Variants in CRELD1 observed in about 807,000 individuals in gnomAD.
CRELD1 encodes the protein CRELD disulfide isomerase 1.
Under a neutral mutation model 58.2 loss-of-function variants are expected in CRELD1, and 42 were observed. That is an observed-to-expected ratio of 0.72 (90% confidence interval 0.56 to 0.93). The LOEUF is 0.93. Among genes scored for constraint, CRELD1 ranks in the 40% least tolerant of loss-of-function variants. The pLI is 0.00. For synonymous variants in CRELD1, 222 were observed against 202.0 expected (o/e 1.10, Z -0.84); for missense variants, 500 against 540.6 (o/e 0.92, Z 0.74).
intron 10 of CRELD1, 46 bp downstream of exon 10, chr3:9,943,561 G>T (rs554829587): frequency 1.2e-6 from 2 of 1,613,042 alleles, no homozygotes; most frequent in Non-Finnish European, 1.7e-6. Context: ...CAAAGAGAAG[G>T]CAGGCAAGCC....
rs376469807 is a variant in CRELD1, at chr3:9,934,478, C to T, written c.40C>T (p.Leu14Phe). 13 of 1,613,946 alleles carry T rather than the reference C, an allele frequency of 8.1e-6. No homozygotes were observed. The highest frequency in any genetic ancestry group is 6.6e-5 in the South Asian group (6 of 91,082). ...CCCGAAGGGCCTAGTCCCAGCTATG[C>T]TCTGGGGCCTCAGCCTCTTCCTCAA... ...WPPKGLVPAM[L>F]WGLSLFLNLP... The change falls in exon 2 of 11, where the codon CTC becomes TTC. Residue 14 changes from leucine to phenylalanine, a missense_variant. Transcript: ENST00000452070.
At chr3:9,939,910 C>A (rs1374046816) in intron 5 of CRELD1, among the ~76,000 whole-genome samples, 1 of 151,078 alleles carries the variant, frequency 6.6e-6, no homozygotes, top group Non-Finnish European at 1.5e-5. Flanking sequence ...TAGGGGCAGC[C>A]GGGCAGAGGC....
chr3:9,943,776 G>A (rs2085437960), intron 10 of CRELD1: 1 of 1,605,064 alleles, frequency 6.2e-7, no homozygotes, highest in Non-Finnish European at 8.5e-7. Flanking sequence ...TATCCAATGG[G>A]ACCAGTGTTT....
At chr3:9,934,965 TCTCTG>T (rs1447194641) in intron 3 of CRELD1, 48 bp downstream of exon 3, 31 of 1,488,130 alleles carry the variant, frequency 2.1e-5, no homozygotes, top group Non-Finnish European at 2.8e-5. Context: ...CCCCGCCAAA[TCTCTG>T]CTCTGCTGGT....
At position 9,944,629 on chromosome 3, in the gene CRELD1, C is replaced by A; in HGVS notation, c.*50C>A. 1 of 1,498,998 alleles carries A rather than the reference C, an allele frequency of 6.7e-7. No individual in the cohort carries two copies. The allele number at this position is 1,498,998 out of a possible 1,614,324, so 92.9% of individuals were successfully genotyped here. On this transcript the variant is annotated 3_prime_UTR_variant, in exon 11 of 11. Coordinates refer to ENST00000452070, the MANE Select transcript of CRELD1 (RefSeq NM_001077415.3). Reference sequence around the variant, plus strand: ...CCTCCCACCCACGCTGCCCCCAGAGCTTGGGCTGCCCTCCTGCTGGACACT... The same window carrying A: ...CCTCCCACCCACGCTGCCCCCAGAGATTGGGCTGCCCTCCTGCTGGACACT...
intron 3 of CRELD1, among the ~76,000 whole-genome samples, chr3:9,936,575 A>G (rs1051946952): frequency 2.0e-5 from 3 of 151,626 alleles, no homozygotes; most frequent in Non-Finnish European, 4.4e-5. Context: ...ATATGTATAT[A>G]TTTGTGGTAA....
chr3:9,943,982 G>A (rs758497611), intron 10 of CRELD1: 4 of 1,070,628 alleles, frequency 3.7e-6, no homozygotes, highest in Non-Finnish European at 2.9e-6. Context: ...CTCTACATAT[G>A]TAAAAATGAA....
In CRELD1 at chr3:9,940,997, A is replaced by G. The variant is rs1193721939; in HGVS notation, c.608A>G (p.Glu203Gly). The G allele has an allele frequency of 6.2e-7, 1 of 1,614,158 alleles. No homozygotes were observed. The change falls in exon 6 of 11, where the codon GAA (glutamate) becomes GGA (glycine). Residue 203 changes from glutamate to glycine, a missense_variant. Coordinates refer to ENST00000452070, the MANE Select transcript of CRELD1 (RefSeq NM_001077415.3). Reference sequence around the variant, plus strand: ...TGTGGCCTTGGCTACTTTGAGGCAGAACGCAACGCCAGCCATCTGGTATGT... The same window carrying G: ...TGTGGCCTTGGCTACTTTGAGGCAGGACGCAACGCCAGCCATCTGGTATGT... ...GQCGLGYFEA[E>G]RNASHLVCSA...
chr3:9,941,216 G>T lies in CRELD1; in HGVS notation c.733+10G>T. On this transcript the variant is annotated intron_variant, in intron 7 of 10. Transcript: ENST00000452070. ...CACCTCAAGTGTGTAGGTAAGTGGGGCCCTAGCTAGGTCTGGGAAGATGGT... is the reference window on the plus strand; with the variant it reads ...CACCTCAAGTGTGTAGGTAAGTGGGTCCCTAGCTAGGTCTGGGAAGATGGT... 1 of 1,609,908 alleles carries T rather than the reference G, an allele frequency of 6.2e-7. No individual in the cohort carries two copies. Among genetic ancestry groups the T allele is most frequent in the East Asian group, 2.2e-5 (1 of 44,798 alleles).
intron 7 of CRELD1, among the ~76,000 whole-genome samples, chr3:9,941,663 G>A (rs1169831633): frequency 6.6e-6 from 1 of 151,806 alleles, no homozygotes; most frequent in Non-Finnish European, 1.5e-5. Flanking sequence ...GGTGGCGGGT[G>A]CCTGTAGTCC....
intron 3 of CRELD1, chr3:9,935,987 C>T (rs1038794356): frequency 6.6e-6 from 1 of 152,072 alleles, no homozygotes; most frequent in Non-Finnish European, 1.5e-5. Context: ...ATATGTAATA[C>T]AGAAAGCCAT....
rs1426186808 is a variant in CRELD1, at chr3:9,940,379, T to C, written c.461-471T>C. ...CCACTGCACTCCAGCCTGGGCACCA[T>C]TGAGCACTGAGTGAACGAGACTCCG... On this transcript the variant is annotated intron_variant, in intron 5 of 10. Coordinates refer to ENST00000452070, the MANE Select transcript of CRELD1 (RefSeq NM_001077415.3). Among the ~76,000 whole-genome samples the C allele has an allele frequency of 7.2e-5, 11 of 151,898 alleles. No homozygotes were observed. In the South Asian group the frequency reaches 2.1e-3, roughly 29 times the overall value.
intron 7 of CRELD1, among the ~76,000 whole-genome samples, chr3:9,941,916 T>G (rs950816006): frequency 6.6e-6 from 1 of 150,652 alleles, no homozygotes; most frequent in Non-Finnish European, 1.5e-5. Context: ...TTATATAGAC[T>G]AAAGTAAAGG....
In CRELD1 at chr3:9,934,343, C is replaced by G. The variant is rs1046613095; in HGVS notation, c.-19-77C>G. 7 of 1,187,432 alleles carry G rather than the reference C, an allele frequency of 5.9e-6. No individual in the cohort carries two copies. The Admixed American group carries it at 6.7e-5, about 11-fold the overall frequency. The allele number at this position is 1,187,432 out of a possible 1,614,324, so 73.6% of individuals were successfully genotyped here. A position where few individuals can be genotyped will look rare whatever the true frequency, so the allele number is the denominator to read the frequency against. On this transcript the variant is annotated intron_variant, in intron 1 of 10. Coordinates refer to ENST00000452070, the MANE Select transcript of CRELD1 (RefSeq NM_001077415.3). Reference sequence around the variant, plus strand: ...TAACGCAGATCCCAGCGCCACGGCACCTTAGAACAGACCTTTTTCTTTCTC... The same window carrying G: ...TAACGCAGATCCCAGCGCCACGGCAGCTTAGAACAGACCTTTTTCTTTCTC...
In CRELD1 at chr3:9,933,881, G is replaced by A. The variant is rs1357590183; in HGVS notation, c.-59G>A. On this transcript the variant is annotated 5_prime_UTR_variant, in exon 1 of 11. Coordinates refer to ENST00000452070, the MANE Select transcript of CRELD1 (RefSeq NM_001077415.3). ...AGGAGACGGCCCACGGCGCCCGCGG[G>A]CTGGGGCGGTCGCTTCTTCCTTCTC... 3 of 473,116 alleles carry A rather than the reference G, an allele frequency of 6.3e-6. No homozygotes were observed. Among genetic ancestry groups the A allele is most frequent in the Middle Eastern group, 5.7e-4 (1 of 1,746 alleles). The allele number at this position is 473,116 out of a possible 1,614,324, so 29.3% of individuals were successfully genotyped here. A position where few individuals can be genotyped will look rare whatever the true frequency, so the allele number is the denominator to read the frequency against.
chr3:9,938,852 T>A (rs1559336249), intron 5 of CRELD1, among the ~76,000 whole-genome samples: 1 of 149,986 alleles, frequency 6.7e-6, no homozygotes, highest in Non-Finnish European at 1.5e-5. Flanking sequence ...AGAGCGAGAC[T>A]CTGTCTCAAA....
chr3:9,941,589 G>C (rs865886019), intron 7 of CRELD1, among the ~76,000 whole-genome samples: 5 of 152,038 alleles, frequency 3.3e-5, no homozygotes, highest in Admixed American at 1.3e-4. Context: ...AGGAGATCGA[G>C]ACCATCCTGG....
chr3:9,934,216 G>A, intron 1 of CRELD1: 1 of 585,512 alleles, frequency 1.7e-6, no homozygotes. Context: ...CCCCATGCTA[G>A]CGAGGATAAC....
Position 9,940,889 on chromosome 3 carries a change from G to C in CRELD1, c.500G>C (p.Gly167Ala). 6.2e-7 allele frequency: 1 copy of C among 1,614,030 alleles called. No individual in the cohort carries two copies. The highest frequency in any genetic ancestry group is 8.5e-7 in the Non-Finnish European group (1 of 1,180,006). ...GGTERPCGGYGQCEGEGTRGG... is the reference protein window; with the variant it reads ...GGTERPCGGYAQCEGEGTRGG... The stretch of plus-strand genomic sequence containing the variant: ...ACAGAGAGGCCCTGCGGTGGCTACG[G>C]GCAGTGTGAAGGAGAAGGGACACGA... Residue 167 changes from glycine to alanine, a missense_variant, in exon 6 of 11, where the codon GGG becomes GCG. Transcript: ENST00000452070.
Sources: allele counts gnomAD v4.1 joint callset (sites outside exome capture counted in the v4.1 genomes callset), GRCh38; gene constraint gnomAD v4.1.1; transcripts MANE v1.5; gene names NCBI Gene and HGNC (gene_info 2026-07-23, HGNC 2026-07-21).